Variants in MBD5 observed in about 807,000 individuals in gnomAD.
The protein encoded by MBD5 is methyl-CpG binding domain protein 5, also known as methyl-CpG-binding domain protein 5.
A neutral mutation model predicts 117.3 loss-of-function variants in MBD5; 13 were observed. That is an observed-to-expected ratio of 0.11 (90% CI 0.07 to 0.18). The LOEUF (loss-of-function observed/expected upper bound fraction) is 0.18, where lower values mean the gene tolerates loss of function less well. MBD5 is among the 10% of genes least tolerant of loss of function. The pLI is 1.00. For synonymous variants in MBD5, 727 were observed against 766.4 expected (o/e 0.95, Z 0.85); for missense variants, 1,879 against 2,093.8 (o/e 0.90, Z 2.00).
At chr2:148,202,238 A>G (rs1699164581) in intron 2 of MBD5, among the ~76,000 whole-genome samples, 1 of 152,244 alleles carries the variant, frequency 6.6e-6, no homozygotes, top group South Asian at 2.1e-4. Context: ...TGTTCTAAAG[A>G]GAAAAATAAA....
intron 1 of MBD5, among the ~76,000 whole-genome samples, chr2:148,129,982 G>C (rs1466931781): frequency 6.6e-6 from 1 of 152,060 alleles, no homozygotes; most frequent in Non-Finnish European, 1.5e-5. Flanking sequence ...TTTTTCTGTT[G>C]TTCCAAATAA....
intron 3 of MBD5, among the ~76,000 whole-genome samples, chr2:148,303,241 C>A (rs1010104594): frequency 2.0e-4 from 30 of 152,218 alleles, no homozygotes; most frequent in Admixed American, 2.0e-3. Flanking sequence ...ATATTCAAGC[C>A]ATTTAAGCTT....
intron 2 of MBD5, among the ~76,000 whole-genome samples, chr2:148,228,291 C>A (rs36180117): frequency 0.6 from 91,431 of 151,952 alleles, 27,707 homozygotes; most frequent in East Asian, 0.71. Context: ...TCCCATCAAT[C>A]CCTAATTTAT....
At chr2:148,270,189 G>C (rs1700950525) in intron 3 of MBD5, among the ~76,000 whole-genome samples, 1 of 152,022 alleles carries the variant, frequency 6.6e-6, no homozygotes, top group Admixed American at 6.6e-5. Context: ...GGAAAGCTCT[G>C]ATTTCTCTAT....
intron 1 of MBD5, among the ~76,000 whole-genome samples, chr2:148,160,192 G>A (rs1697973717): frequency 6.6e-6 from 1 of 152,182 alleles, no homozygotes; most frequent in African/African-American, 2.4e-5. Context: ...AAGGTCAGGA[G>A]TTTGAGACCA....
At chr2:148,115,768 C>T (rs557911906) in intron 1 of MBD5, among the ~76,000 whole-genome samples, 2 of 152,246 alleles carry the variant, frequency 1.3e-5, no homozygotes, top group Admixed American at 6.5e-5. Flanking sequence ...GTCATGTTAA[C>T]AAAGAACATC....
chr2:148,399,865 G>C (rs138643740), intron 4 of MBD5, among the ~76,000 whole-genome samples: 23 of 152,136 alleles, frequency 1.5e-4, no homozygotes, highest in Admixed American at 4.6e-4. Context: ...TAGCATGAAG[G>C]GGTGTTGAAT....
At chr2:148,222,343 A>C (rs1699708975) in intron 2 of MBD5, among the ~76,000 whole-genome samples, 3 of 151,984 alleles carry the variant, frequency 2.0e-5, no homozygotes. Context: ...TGTAAATTGC[A>C]CTGGGCAGTA....
intron 4 of MBD5, among the ~76,000 whole-genome samples, chr2:148,345,201 C>CAT (rs1559032764): frequency 1.6e-4 from 21 of 127,414 alleles, no homozygotes; most frequent in African/African-American, 4.0e-4. Context: ...TGTGTATATA[C>CAT]GTATATATGT....
In MBD5 at chr2:148,386,119, A is replaced by T. The variant is rs1014330293; in HGVS notation, c.-557+43783A>T. Among the ~76,000 whole-genome samples, 27 of 152,250 alleles carry T rather than the reference A, an allele frequency of 1.8e-4. 1 individual carries two copies. In the East Asian group the frequency reaches 1.9e-3, roughly 11 times the overall value. ...AAAACTTAAAGTATAATAATAATAAAAAAAAAGAAAAAGAAAGGCTACAAA... is the reference window on the plus strand; with the variant it reads ...AAAACTTAAAGTATAATAATAATAATAAAAAAGAAAAAGAAAGGCTACAAA... On this transcript the variant is annotated intron_variant, in intron 4 of 13. Transcript: ENST00000642680.
At chr2:148,145,482 T>G (rs890897874) in intron 1 of MBD5, among the ~76,000 whole-genome samples, 2 of 152,200 alleles carry the variant, frequency 1.3e-5, no homozygotes, top group African/African-American at 4.8e-5. Flanking sequence ...CTTCCAACAC[T>G]ATGTTGAATA....
At chr2:148,305,073 A>G (rs190866017) in intron 3 of MBD5, among the ~76,000 whole-genome samples, 1 of 151,922 alleles carries the variant, frequency 6.6e-6, no homozygotes, top group African/African-American at 2.4e-5. Context: ...TCAAAAAAAA[A>G]AAAATAAAAT....
rs759575165 is a variant in MBD5 at position 148,458,885 on chromosome 2, A to G, written c.113+14A>G. On this transcript the variant is annotated intron_variant, in intron 5 of 13. Transcript: ENST00000642680. ...GCTTTATGTCAGGTAAGTTCTTATT[A>G]TTACCTGTGGTACCTGCAAAGTTGT... 8.8e-6 allele frequency: 14 copies of G among 1,591,696 alleles called. No individual in the cohort carries two copies. The Middle Eastern group carries it at 5.0e-4, about 56-fold the overall frequency.
At chr2:148,224,459 C>A (rs139332574) in intron 2 of MBD5, among the ~76,000 whole-genome samples, 1,926 of 151,534 alleles carry the variant, frequency 0.013, 37 homozygotes, top group African/African-American at 0.044. Flanking sequence ...TCTCCTGCCT[C>A]AGCCTCTTGA....
chr2:148,287,383 A>G (rs1240266367), intron 3 of MBD5, among the ~76,000 whole-genome samples: 1 of 152,228 alleles, frequency 6.6e-6, no homozygotes, highest in Non-Finnish European at 1.5e-5. Context: ...ATGAAGAGTA[A>G]GAACAGGCTC....
chr2:148,314,345 T>C (rs1702105837), intron 3 of MBD5, among the ~76,000 whole-genome samples: 1 of 151,458 alleles, frequency 6.6e-6, no homozygotes, highest in Non-Finnish European at 1.5e-5. Context: ...TTTATAAACT[T>C]ATGTTCAGCA....
intron 4 of MBD5, among the ~76,000 whole-genome samples, chr2:148,375,829 T>C (rs1004950887): frequency 3.3e-5 from 5 of 152,118 alleles, no homozygotes; most frequent in African/African-American, 1.2e-4. Flanking sequence ...TTGCCTTCAG[T>C]AATCATCCAA....
At chr2:148,419,254 T>C (rs1219220267) in intron 4 of MBD5, among the ~76,000 whole-genome samples, 2 of 152,130 alleles carry the variant, frequency 1.3e-5, no homozygotes, top group Non-Finnish European at 2.9e-5. Flanking sequence ...GACTTAAACC[T>C]AAGACCTGAT....
At chr2:148,030,955 A>T (rs2105587099) in intron 1 of MBD5, among the ~76,000 whole-genome samples, 1 of 152,264 alleles carries the variant, frequency 6.6e-6, no homozygotes, top group African/African-American at 2.4e-5. Flanking sequence ...TGTAGTTTTT[A>T]AATATTTTGC....
Sources: allele counts gnomAD v4.1 joint callset (sites outside exome capture counted in the v4.1 genomes callset), GRCh38; gene constraint gnomAD v4.1.1; transcripts MANE v1.5; gene names NCBI Gene and HGNC (gene_info 2026-07-23, HGNC 2026-07-21).